Variants in TRPM3 observed in about 807,000 individuals in gnomAD.
TRPM3 encodes transient receptor potential cation channel subfamily M member 3.
TRPM3 carries 77 observed loss-of-function variants against 181.2 expected under a neutral mutation model. The observed-to-expected ratio is 0.42, with a 90% CI of 0.35 to 0.51. TRPM3 has a LOEUF of 0.51. Ranked by LOEUF, TRPM3 falls within the 20% of genes least tolerant of loss-of-function variation. TRPM3 has a pLI of 0.01. For synonymous variants in TRPM3, 745 were observed against 796.4 expected, an observed-to-expected ratio of 0.94 and a Z score of 1.09; for missense variants, 1,759 against 2,196.7, an observed-to-expected ratio of 0.80 and a Z score of 3.98.
chr9:70,901,325 G>A (rs2133022786), intron 1 of TRPM3, among the ~76,000 whole-genome samples: 1 of 152,282 alleles, frequency 6.6e-6, no homozygotes, highest in African/African-American at 2.4e-5. Flanking sequence ...TCCTTGGAGA[G>A]AAACCTCCCT....
chr9:70,562,254 A>G (rs2049289593), intron 22 of TRPM3, among the ~76,000 whole-genome samples: 1 of 152,182 alleles, frequency 6.6e-6, no homozygotes, highest in African/African-American at 2.4e-5. Flanking sequence ...TCTATTCCTG[A>G]TATTTTGTCA....
At chr9:71,376,594 G>A (rs2092672743) in intron 1 of TRPM3, among the ~76,000 whole-genome samples, 2 of 151,856 alleles carry the variant, frequency 1.3e-5, no homozygotes, top group Non-Finnish European at 2.9e-5. Flanking sequence ...AACAAAGAAC[G>A]TCTGGCACAT....
chr9:71,188,271 A>G (rs993394213), intron 1 of TRPM3, among the ~76,000 whole-genome samples: 2 of 151,894 alleles, frequency 1.3e-5, no homozygotes, highest in South Asian at 4.1e-4. Context: ...CACATCCTTG[A>G]TAACACTGGA....
chr9:70,760,442 C>T (rs1416637263), intron 8 of TRPM3, among the ~76,000 whole-genome samples: 2 of 147,938 alleles, frequency 1.4e-5, no homozygotes, highest in African/African-American at 5.0e-5. Context: ...TGGGTGGTAC[C>T]TTCGTGCGTA....
chr9:70,801,607 G>C (rs1484620962), intron 6 of TRPM3, among the ~76,000 whole-genome samples: 1 of 152,026 alleles, frequency 6.6e-6, no homozygotes, highest in Admixed American at 6.6e-5. Flanking sequence ...GAAATGAGAT[G>C]ATGAGGCATC....
At chr9:70,930,388 T>C (rs573570623) in intron 1 of TRPM3, among the ~76,000 whole-genome samples, 15 of 152,336 alleles carry the variant, frequency 9.8e-5, no homozygotes, top group Admixed American at 1.3e-4. Context: ...CAGCATGTCA[T>C]AAAAATTATT....
intron 8 of TRPM3, among the ~76,000 whole-genome samples, chr9:70,746,287 GA>G (rs2075145417): frequency 6.6e-6 from 1 of 152,050 alleles, no homozygotes; most frequent in East Asian, 1.9e-4. Flanking sequence ...GAGAGAGAGA[GA>G]GAGATGAAAC....
Position 70,640,648 on chromosome 9 carries a change from G to A in TRPM3, c.1358C>T (p.Ser453Leu), listed in dbSNP as rs200939544. The change falls in exon 10 of 26, where the codon TCG becomes TTG. Residue 453 changes from serine to leucine, a missense_variant. Coordinates refer to ENST00000677713, the MANE Select transcript of TRPM3 (RefSeq NM_001366145.2). ...LTALLKGANA[S>L]APDQLSLALA... is the part of the protein sequence containing the mutation. ...AGCTAAGCTCAGTTGGTCTGGGGCC[G>A]AGGCATTGGCTCCTGTGTGAGGACA... is the stretch of plus-strand genomic sequence containing the variant. 627 of 1,613,116 alleles carry A rather than the reference G, an allele frequency of 3.9e-4. No individual in the cohort carries two copies. The highest frequency in any genetic ancestry group is 5.0e-4 in the Non-Finnish European group (593 of 1,179,532).
At chr9:71,167,924 T>C (rs1220553836) in intron 1 of TRPM3, among the ~76,000 whole-genome samples, 1 of 152,164 alleles carries the variant, frequency 6.6e-6, no homozygotes, top group African/African-American at 2.4e-5. Flanking sequence ...ATAATGCCAA[T>C]AGCTGTATAA....
intron 1 of TRPM3, among the ~76,000 whole-genome samples, chr9:71,139,648 G>T (rs1360200937): frequency 6.6e-6 from 1 of 152,060 alleles, no homozygotes; most frequent in Non-Finnish European, 1.5e-5. Context: ...GAATTATTTT[G>T]TTCACTGCAG....
intron 1 of TRPM3, among the ~76,000 whole-genome samples, chr9:71,359,994 T>C (rs2092075809): frequency 6.6e-6 from 1 of 152,152 alleles, no homozygotes; most frequent in Non-Finnish European, 1.5e-5. Flanking sequence ...TGGTACTTAG[T>C]GGGAATTCAG....
At chr9:71,096,590 A>T (rs4295722) in intron 1 of TRPM3, among the ~76,000 whole-genome samples, 1,476 of 89,772 alleles carry the variant, frequency 0.016, 20 homozygotes, top group African/African-American at 0.036. Flanking sequence ...ACACACACAC[A>T]CTCTCTCTCT....
intron 5 of TRPM3, among the ~76,000 whole-genome samples, chr9:70,839,839 T>C (rs936788230): frequency 1.2e-4 from 18 of 152,318 alleles, no homozygotes; most frequent in Admixed American, 3.9e-4. Context: ...TGTTTTGTTT[T>C]TCTCTGCTAC....
At chr9:71,442,427 C>G (rs533842821) in intron 1 of TRPM3, among the ~76,000 whole-genome samples, 49 of 152,150 alleles carry the variant, frequency 3.2e-4, no homozygotes, top group African/African-American at 1.1e-3. Flanking sequence ...AAAGAGAAAT[C>G]TCCTTTTAAA....
intron 1 of TRPM3, among the ~76,000 whole-genome samples, chr9:71,370,736 G>A (rs1030432124): frequency 6.6e-6 from 1 of 152,158 alleles, no homozygotes; most frequent in Non-Finnish European, 1.5e-5. Context: ...TGAGGAAGAT[G>A]GCCACACTAA....
At chr9:70,628,322 C>T (rs180888659) in intron 12 of TRPM3, among the ~76,000 whole-genome samples, 17 of 152,258 alleles carry the variant, frequency 1.1e-4, no homozygotes, top group African/African-American at 3.1e-4. Context: ...TCAGCTGCCC[C>T]GGGCTTCTAT....
intron 1 of TRPM3, among the ~76,000 whole-genome samples, chr9:70,990,330 C>T (rs570491271): frequency 6.6e-6 from 1 of 152,300 alleles, no homozygotes; most frequent in Admixed American, 6.5e-5. Context: ...AACATTCCCT[C>T]TCCTTCACCA....
At chr9:71,164,370 T>G (rs2076427774) in intron 1 of TRPM3, among the ~76,000 whole-genome samples, 1 of 152,180 alleles carries the variant, frequency 6.6e-6, no homozygotes, top group African/African-American at 2.4e-5. Context: ...ACAATGGCAG[T>G]GTCACAAGAG....
intron 1 of TRPM3, among the ~76,000 whole-genome samples, chr9:71,130,253 A>G (rs2074287659): frequency 6.6e-6 from 1 of 152,188 alleles, no homozygotes; most frequent in African/African-American, 2.4e-5. Context: ...CATAAAAAGT[A>G]AAATGTGTTT....
Sources: gnomAD v4.1 joint callset for allele counts (sites outside exome capture counted in the v4.1 genomes callset) on GRCh38, gnomAD v4.1.1 for gene constraint, MANE v1.5 for transcripts, NCBI Gene and HGNC (gene_info 2026-07-23, HGNC 2026-07-21) for gene names.